Variants in CNTD1 observed in about 807,000 individuals in gnomAD.
CNTD1 encodes the protein cyclin N-terminal domain containing 1.
In CNTD1, 17 loss-of-function variants were observed where a neutral mutation model predicts 36.3. That is an observed-to-expected ratio of 0.47 (90% CI 0.32 to 0.70). CNTD1 has a LOEUF of 0.70. Among genes scored for constraint, CNTD1 ranks in the 30% least tolerant of loss-of-function variants. The probability of loss-of-function intolerance (pLI) is 0.03; values close to 1 mark genes in which losing one functional copy is unlikely to be tolerated. For missense variants in CNTD1, 338 were observed against 386.1 expected (o/e 0.88, Z 1.04); for synonymous variants, 128 against 153.3 (o/e 0.83, Z 1.22).
At position 42,811,529 on chromosome 17, in the gene CNTD1, CA is replaced by C. The variant is rs2055005468; in HGVS notation, c.*1995del. ...TGGGTCAGTCTCTGCCCATCAATGT[CA>C]TGTGATTCTGTGCCATTTTTTTGCT... is the stretch of plus-strand genomic sequence containing the variant. On this transcript the variant is annotated 3_prime_UTR_variant, in exon 7 of 7. Transcript: ENST00000588408. The C allele has an allele frequency of 1.6e-6, 2 of 1,252,888 alleles. No homozygotes were observed. The highest frequency in any genetic ancestry group is 3.0e-5 in the African/African-American group (2 of 66,244). 77.6% of individuals were successfully genotyped at this position (1,252,888 alleles called of 1,614,324 possible).
In CNTD1 at chr17:42,808,461, G is replaced by A. The variant is rs1489448722; in HGVS notation, c.822+597G>A. Among the ~76,000 whole-genome samples the A allele has an allele frequency of 2.6e-5, 4 of 151,126 alleles. No homozygotes were observed. In the Admixed American group the frequency reaches 2.7e-4, roughly 10 times the overall value. On this transcript the variant is annotated intron_variant, in intron 6 of 6. Coordinates refer to ENST00000588408, the MANE Select transcript of CNTD1 (RefSeq NM_173478.3). The stretch of plus-strand genomic sequence containing the variant: ...AGCTACCCAGGAGGCCAAGGTAGAA[G>A]GATCCCTTGAGCCTGGGAGGTAGAG...
At chr17:42,801,217 C>A (rs1169387764) in intron 1 of CNTD1, among the ~76,000 whole-genome samples, 25 of 141,414 alleles carry the variant, frequency 1.8e-4, no homozygotes, top group African/African-American at 4.5e-4. Context: ...CAAAAAAAAA[C>A]AACACAAAAA....
In CNTD1 at chr17:42,810,179, T is replaced by C. The variant is rs1394513218; in HGVS notation, c.*644T>C. The C allele has an allele frequency of 6.5e-6, 1 of 152,756 alleles. No individual in the cohort carries two copies. The highest frequency in any genetic ancestry group is 2.4e-5 in the African/African-American group (1 of 41,458). 9.5% of individuals were successfully genotyped at this position (152,756 alleles called of 1,614,324 possible). The stretch of plus-strand genomic sequence containing the variant: ...ATCTTTTATTACAAATAATTAAATC[T>C]CTCCATAATGTCTCAAACAGTATCA... On this transcript the variant is annotated 3_prime_UTR_variant, in exon 7 of 7. Coordinates refer to ENST00000588408, the MANE Select transcript of CNTD1 (RefSeq NM_173478.3).
chr17:42,801,510 A>ATAT (rs1555546481), intron 1 of CNTD1, among the ~76,000 whole-genome samples: 111 of 54,274 alleles, frequency 2.0e-3, no homozygotes, highest in Non-Finnish European at 2.7e-3. Context: ...AAAAAAAAAA[A>ATAT]ATATATATAT....
intron 1 of CNTD1, 55 bp from the exon 2 acceptor site, chr17:42,803,565 C>G (rs2054828946): frequency 1.4e-6 from 2 of 1,390,264 alleles, no homozygotes; most frequent in Admixed American, 1.7e-5. Context: ...CAAGAGTTCA[C>G]AGAGTGGTTT....
chr17:42,805,830 C>T lies in CNTD1; in HGVS notation c.526C>T (p.Arg176Ter), dbSNP rs144346592. 5.6e-6 allele frequency: 9 copies of T among 1,614,022 alleles called. No individual in the cohort carries two copies. The highest frequency in any genetic ancestry group is 2.2e-5 in the East Asian group (1 of 44,880). ...TGATGTTTTGAAGTCCTTGAACTTC[C>T]GAATTAATCTGCCCACTCCCCTGGC... ...ELDVLKSLNF[R>*]INLPTPLAYV... The change falls in exon 4 of 7, where the codon CGA (arginine) becomes TGA (stop). Residue 176 changes from arginine (R) to a stop codon, truncating the protein, a stop_gained. Coordinates refer to ENST00000588408, the MANE Select transcript of CNTD1 (RefSeq NM_173478.3). LOFTEE classifies it high-confidence loss of function.
At chr17:42,807,512 T>TA (rs1205350707) in intron 5 of CNTD1, among the ~76,000 whole-genome samples, 1 of 152,026 alleles carries the variant, frequency 6.6e-6, no homozygotes, top group Admixed American at 6.5e-5. Flanking sequence ...GCCTCACAGT[T>TA]ACAATTGTTA....
rs1376774829 is a variant in CNTD1 at position 42,810,745 on chromosome 17, CCCT to C, written c.*1211_*1213del. The C allele has an allele frequency of 1.9e-6, 3 of 1,587,212 alleles. No homozygotes were observed. In the African/African-American group the frequency reaches 4.1e-5, roughly 22 times the overall value. The stretch of plus-strand genomic sequence containing the variant: ...TTAAAAGCCTTTAAGGCAAACCTCC[CCCT>C]AAGGAAAAAAGTCATTTGTTATAAA... On this transcript the variant is annotated 3_prime_UTR_variant, in exon 7 of 7. Transcript: ENST00000588408.
chr17:42,803,466 A>T (rs757072406), intron 1 of CNTD1, among the ~76,000 whole-genome samples, 154 bp from the exon 2 acceptor site: 1 of 152,208 alleles, frequency 6.6e-6, no homozygotes, highest in Non-Finnish European at 1.5e-5. Flanking sequence ...GCAGCAAAAG[A>T]AACTAAGCTC....
rs1174924273 is a variant in CNTD1 at position 42,801,511 on chromosome 17, ATATATATATAT to A, written c.170-2108_170-2098del. 6.8e-3 allele frequency among the ~76,000 whole-genome samples: 409 copies of A among 60,370 alleles called. 45 individuals carry two copies. The highest frequency in any genetic ancestry group is 0.019 in the African/African-American group (376 of 19,422). 39.6% of individuals were successfully genotyped at this position (60,370 alleles called of 152,430 possible). A position where few individuals can be genotyped will look rare whatever the true frequency, so the allele number is the denominator to read the frequency against. On this transcript the variant is annotated intron_variant, in intron 1 of 6. Transcript: ENST00000588408. ...ACCTTGTCTCAAAAAAAAAAAAAAA[ATATATATATAT>A]ATATATATATATATATATATATATA...
chr17:42,804,310 G>C lies in CNTD1; in HGVS notation c.331G>C (p.Ala111Pro). Residue 111 changes from alanine (A) to proline (P), a missense_variant, in exon 3 of 7, where the codon GCT (alanine) becomes CCT (proline). Transcript: ENST00000588408. ...DNKRESQNWR[A>P]LKQQLVNKFT... ...TAAGAGAGAGTCTCAGAATTGGAGG[G>C]CTCTGAAACAGCAGCTTGTCAACAA... The C allele has an allele frequency of 6.2e-7, 1 of 1,613,952 alleles. No individual in the cohort carries two copies. The highest frequency in any genetic ancestry group is 8.5e-7 in the Non-Finnish European group (1 of 1,179,890).
At chr17:42,800,163 C>A (rs920539967) in intron 1 of CNTD1, among the ~76,000 whole-genome samples, 4 of 149,622 alleles carry the variant, frequency 2.7e-5, no homozygotes, top group Non-Finnish European at 4.4e-5. Flanking sequence ...GATATTAGAA[C>A]AAATATGCAA....
intron 1 of CNTD1, among the ~76,000 whole-genome samples, chr17:42,799,881 T>C (rs191924247): frequency 0.013 from 1,782 of 142,196 alleles, 19 homozygotes; most frequent in Non-Finnish European, 0.021. Context: ...CTGGCTAACA[T>C]GGTGAAACCC....
chr17:42,801,506 A>AT (rs1211562128), intron 1 of CNTD1, among the ~76,000 whole-genome samples: 23 of 52,686 alleles, frequency 4.4e-4, no homozygotes, highest in Non-Finnish European at 5.8e-4. Flanking sequence ...AAAAAAAAAA[A>AT]AAAAATATAT....
Position 42,810,557 on chromosome 17 carries a change from G to A in CNTD1, c.*1022G>A. 2 of 449,878 alleles carry A rather than the reference G, an allele frequency of 4.4e-6. No individual in the cohort carries two copies. Among genetic ancestry groups the A allele is most frequent in the East Asian group, 3.8e-5 (1 of 26,524 alleles). The allele number at this position is 449,878 out of a possible 1,614,324, so 27.9% of individuals were successfully genotyped here. On this transcript the variant is annotated 3_prime_UTR_variant, in exon 7 of 7. Coordinates refer to ENST00000588408, the MANE Select transcript of CNTD1 (RefSeq NM_173478.3). ...GGGTTAAGAATCAAAACTGACCAGG[G>A]CTGGCAACTATAGATGGCATGTTGT...
Position 42,803,636 on chromosome 17 carries a change from G to A in CNTD1, c.186G>A (p.Leu62=). 6 of 1,613,754 alleles carry A rather than the reference G, an allele frequency of 3.7e-6. No individual in the cohort carries two copies. The highest frequency in any genetic ancestry group is 1.1e-5 in the South Asian group (1 of 91,014). ...EPQIVEFVFL[L]SEQWCLEKSV... ...TTTTGGCAGAGTTTGTTTTTCTCCT[G>A]TCTGAACAATGGTGTCTGGAGAAAT... Residue 62 remains leucine (L), a synonymous_variant, in exon 2 of 7, where the codon CTG becomes CTA. Coordinates refer to ENST00000588408, the MANE Select transcript of CNTD1 (RefSeq NM_173478.3).
chr17:42,803,389 G>A (rs1458526634), intron 1 of CNTD1, among the ~76,000 whole-genome samples: 1 of 152,208 alleles, frequency 6.6e-6, no homozygotes, highest in Admixed American at 6.5e-5. Flanking sequence ...GTCACTGAGG[G>A]GGCTTGGTAA....
chr17:42,804,393 CAAAGTAAGGAGCTG>C lies in CNTD1; in HGVS notation c.415_417+11del, dbSNP rs1567661756. ...TGGCCAGCAAACTTTCCTTCCGAAA[CAAAGTAAGGAGCTG>C]GGGTTGCTCATGGGCACCTGAGTGT... On this transcript the variant is annotated splice_donor_variant and splice_donor_5th_base_variant and coding_sequence_variant and intron_variant, in exon 3 of 7. Transcript: ENST00000588408. LOFTEE classifies it high-confidence loss of function. The C allele has an allele frequency of 6.2e-7, 1 of 1,613,252 alleles. No homozygotes were observed. Among genetic ancestry groups the C allele is most frequent in the East Asian group, 2.2e-5 (1 of 44,844 alleles).
intron 1 of CNTD1, 22 bp downstream of exon 1, chr17:42,799,258 G>C: frequency 6.2e-7 from 1 of 1,606,002 alleles, no homozygotes. Flanking sequence ...GGGCCGGGGT[G>C]CTGGGTTCTT....
Sources: gnomAD v4.1 joint callset for allele counts (sites outside exome capture counted in the v4.1 genomes callset) on GRCh38, gnomAD v4.1.1 for gene constraint, MANE v1.5 for transcripts, NCBI Gene and HGNC (gene_info 2026-07-23, HGNC 2026-07-21) for gene names.